Variants in GNAO1 observed in about 807,000 individuals in gnomAD.
GNAO1 encodes G protein subunit alpha o1.
For synonymous variants in GNAO1, 164 were observed against 180.7 expected (o/e 0.91, Z 0.74); for missense variants, 166 against 478.7 (o/e 0.35, Z 6.10).
At chr16:56,335,374 G>C (rs2143661982) in intron 5 of GNAO1, among the ~76,000 whole-genome samples, 1 of 152,314 alleles carries the variant, frequency 6.6e-6, no homozygotes, top group Middle Eastern at 3.4e-3. Context: ...AGAACCCAGG[G>C]GCTCTGGGGC....
At chr16:56,196,589 G>A (rs1256823107) in intron 2 of GNAO1, among the ~76,000 whole-genome samples, 1 of 152,192 alleles carries the variant, frequency 6.6e-6, no homozygotes, top group Non-Finnish European at 1.5e-5. Flanking sequence ...ATGGACTGCG[G>A]AATTGCTCTG....
At chr16:56,342,009 C>T (rs1483294325) in intron 6 of GNAO1, among the ~76,000 whole-genome samples, 1 of 152,240 alleles carries the variant, frequency 6.6e-6, no homozygotes, top group Non-Finnish European at 1.5e-5. Flanking sequence ...CCGCCCATCC[C>T]CCCATATCAG....
At chr16:56,300,805 G>A (rs2037336919) in intron 3 of GNAO1, 2 of 152,366 alleles carry the variant, frequency 1.3e-5, no homozygotes, top group East Asian at 1.9e-4. Flanking sequence ...TGGAGCTGAA[G>A]TCTGTCTGGG....
At chr16:56,298,350 A>G (rs916563559) in intron 3 of GNAO1, among the ~76,000 whole-genome samples, 1 of 152,152 alleles carries the variant, frequency 6.6e-6, no homozygotes, top group Non-Finnish European at 1.5e-5. Flanking sequence ...AACCAGGCGC[A>G]TGCAGAGAGA....
At chr16:56,208,480 C>G (rs2036353941) in intron 2 of GNAO1, among the ~76,000 whole-genome samples, 1 of 150,726 alleles carries the variant, frequency 6.6e-6, no homozygotes, top group Non-Finnish European at 1.5e-5. Flanking sequence ...TGTGTGTATT[C>G]TGGGGCACAT....
intron 6 of GNAO1, chr16:56,341,110 T>A: frequency 1.3e-6 from 1 of 749,284 alleles, no homozygotes; most frequent in Non-Finnish European, 2.2e-6. Flanking sequence ...ACACAAACGG[T>A]CCCCCACCCT....
rs185405374 is a variant in GNAO1, at chr16:56,207,902, C to A, written c.161+15286C>A. Among the ~76,000 whole-genome samples, 6 of 152,352 alleles carry A rather than the reference C, an allele frequency of 3.9e-5. No homozygotes were observed. The East Asian group carries it at 1.2e-3, about 29-fold the overall frequency. On this transcript the variant is annotated intron_variant, in intron 2 of 8. Transcript: ENST00000262493. Reference sequence around the variant, plus strand: ...AGAAAGCAAGCACTCAGGTAACCATCACTAGGTAAAAAAGTAGGACATTGC... The same window carrying A: ...AGAAAGCAAGCACTCAGGTAACCATAACTAGGTAAAAAAGTAGGACATTGC...
chr16:56,245,436 A>T (rs1440196115), intron 2 of GNAO1: 1 of 154,806 alleles, frequency 6.5e-6, no homozygotes, highest in Non-Finnish European at 1.5e-5. Flanking sequence ...GCAGTCAGAA[A>T]ATCTTGTCCA....
At chr16:56,215,239 G>A (rs1416727169) in intron 2 of GNAO1, among the ~76,000 whole-genome samples, 4 of 152,208 alleles carry the variant, frequency 2.6e-5, no homozygotes, top group African/African-American at 9.7e-5. Flanking sequence ...CTTTTACACA[G>A]GATGTCTGTA....
At chr16:56,239,799 C>A (rs2036676358) in intron 2 of GNAO1, among the ~76,000 whole-genome samples, 1 of 152,136 alleles carries the variant, frequency 6.6e-6, no homozygotes, top group Admixed American at 6.5e-5. Flanking sequence ...GGTTGTCTTT[C>A]CCAAGCTGGA....
At chr16:56,243,954 G>C (rs529085272) in intron 2 of GNAO1, among the ~76,000 whole-genome samples, 15 of 152,232 alleles carry the variant, frequency 9.9e-5, no homozygotes, top group Non-Finnish European at 1.9e-4. Context: ...AACTGAGGCA[G>C]AGTTGCCCAG....
At chr16:56,355,141 CA>C in intron 8 of GNAO1, 60 bp downstream of exon 8, 2 of 631,012 alleles carry the variant, frequency 3.2e-6, no homozygotes, top group South Asian at 2.5e-5. Flanking sequence ...CACACACACA[CA>C]CACACACACA....
At chr16:56,348,123 G>C in intron 6 of GNAO1, 1 of 963,920 alleles carries the variant, frequency 1.0e-6, no homozygotes, top group Non-Finnish European at 1.2e-6. Context: ...TAAATCTCTA[G>C]TTATTGTAAT....
intron 3 of GNAO1, among the ~76,000 whole-genome samples, chr16:56,284,098 T>G (rs1381937487): frequency 6.6e-6 from 1 of 152,200 alleles, no homozygotes; most frequent in East Asian, 1.9e-4. Flanking sequence ...AATCAATCAT[T>G]CCACAAATAC....
chr16:56,309,896 G>T (rs1349434493), intron 3 of GNAO1, among the ~76,000 whole-genome samples: 1 of 152,206 alleles, frequency 6.6e-6, no homozygotes, highest in African/African-American at 2.4e-5. Context: ...CAATATTTAT[G>T]AATTCATTTT....
chr16:56,332,682 A>G (rs2037700814), intron 4 of GNAO1, among the ~76,000 whole-genome samples: 1 of 152,150 alleles, frequency 6.6e-6, no homozygotes, highest in African/African-American at 2.4e-5. Context: ...GTTGTTAAGC[A>G]GTTCTCCCAC....
intron 3 of GNAO1, among the ~76,000 whole-genome samples, chr16:56,279,991 G>A (rs1462202383): frequency 1.3e-5 from 2 of 152,244 alleles, no homozygotes; most frequent in Non-Finnish European, 2.9e-5. Context: ...TTAATGGAAT[G>A]ACATTTCTAA....
chr16:56,346,925 A>G, intron 6 of GNAO1: 1 of 985,480 alleles, frequency 1.0e-6, no homozygotes, highest in Middle Eastern at 5.2e-4. Context: ...CCTTTGGCCA[A>G]CATGAGTCCT....
chr16:56,292,576 G>C lies in GNAO1; in HGVS notation c.303+16504G>C, dbSNP rs2037243034. 2.0e-5 allele frequency among the ~76,000 whole-genome samples: 3 copies of C among 151,996 alleles called. No individual in the cohort carries two copies. The South Asian group carries it at 6.2e-4, about 32-fold the overall frequency. The stretch of plus-strand genomic sequence containing the variant: ...AGGGTTACATTATGTTGCCCAGGCT[G>C]GTCTCAAACTCGTGAGCTCAAGTGA... On this transcript the variant is annotated intron_variant, in intron 3 of 8. Coordinates refer to ENST00000262493, the MANE Select transcript of GNAO1 (RefSeq NM_020988.3).
Sources: gnomAD v4.1 joint callset for allele counts (sites outside exome capture counted in the v4.1 genomes callset) on GRCh38, gnomAD v4.1.1 for gene constraint, MANE v1.5 for transcripts, NCBI Gene and HGNC (gene_info 2026-07-23, HGNC 2026-07-21) for gene names.